The following ZNF91 variants were observed in gnomAD, a reference collection of about 807,000 sequenced individuals.
ZNF91 encodes the protein zinc finger protein 91.
A neutral mutation model predicts 12.6 loss-of-function variants in ZNF91; 7 were observed. The ratio of observed to expected loss-of-function variants is 0.55; its 90% CI spans 0.31 to 1.04. The LOEUF is 1.04. Among genes scored for constraint, ZNF91 ranks in the 50% least tolerant of loss-of-function variants. The pLI is 0.05. For synonymous variants in ZNF91, 453 were observed against 462.6 expected (o/e 0.98, Z 0.27); for missense variants, 1,217 against 1,385.4 (o/e 0.88, Z 1.93).
chr19:23,311,088 G>T (rs181583864), upstream of ZNF91, among the ~76,000 whole-genome samples: 617 of 152,300 alleles, frequency 4.1e-3, 8 homozygotes, highest in African/African-American at 0.014. Context: ...CAGGACCTGG[G>T]TCATAGAAAA....
chr19:23,361,630 G>A lies in ZNF91; in HGVS notation c.1349C>T (p.Thr450Ile), dbSNP rs1341718666. The change falls in exon 4 of 4, where the codon ACT (threonine) becomes ATT (isoleucine). Residue 450 changes from threonine (T) to isoleucine (I), a missense_variant. Physicochemically the swap from Thr to Ile is moderately conservative, Grantham distance 89. This residue lies in a region of ZNF91 where 726 missense variants were observed against 895.5 expected (regional missense o/e 0.81). Transcript: ENST00000300619. The part of the protein sequence containing the change: ...GKAFNWSSSL[T>I]KHKRFHTREK... ...TCTAGTATGAAATCTTTTATGTTTA[G>A]TAAGGCTTGAGGACCAGTTAAATGC... 1 of 1,613,202 alleles carries A rather than the reference G, an allele frequency of 6.2e-7. No homozygotes were observed. The highest frequency in any genetic ancestry group is 2.2e-5 in the East Asian group (1 of 44,774).
Position 23,339,152 on chromosome 19 carries a change from C to T in ZNF91, c.254-98G>A, listed in dbSNP as rs534909558. 2.0e-5 allele frequency: 3 copies of T among 150,842 alleles called. No homozygotes were observed. In the East Asian group the frequency reaches 5.8e-4, roughly 29 times the overall value. The allele number at this position is 150,842 out of a possible 1,614,324, so 9.3% of individuals were successfully genotyped here. ...AAAATCTCACCTTACTTGTAAGACA[C>T]ATATAGATTAAAGGCAAATGGGGGG... On this transcript the variant is annotated intron_variant, in intron 3 of 3. Coordinates refer to the ZNF91 transcript ENST00000599743.
chr19:23,360,923 A>G lies in ZNF91; in HGVS notation c.2056T>C (p.Tyr686His), dbSNP rs1968717680. ...HKITHTEEKP[Y>H]KCKECDKTFK... ...GTTTTGTCACATTCTTTACATTTGT[A>G]GGGTTTCTCTTCAGTATGAGTTATC... The change falls in exon 4 of 4, where the codon TAC becomes CAC. Residue 686 changes from tyrosine (Y) to histidine (H), a missense_variant. Tyr to His is a moderately conservative substitution (Grantham distance 83). Coordinates refer to ENST00000300619, the MANE Select transcript of ZNF91 (RefSeq NM_003430.4). 1 of 1,613,114 alleles carries G rather than the reference A, an allele frequency of 6.2e-7. No individual in the cohort carries two copies. The highest frequency in any genetic ancestry group is 1.7e-5 in the Admixed American group (1 of 59,952).
intron 1 of ZNF91, among the ~76,000 whole-genome samples, chr19:23,321,851 A>G (rs1967703368): frequency 6.6e-6 from 1 of 152,044 alleles, no homozygotes; most frequent in Admixed American, 6.5e-5. Flanking sequence ...CCACGTCCAT[A>G]GATGAAATAG....
At chr19:23,318,306 T>A (rs1325230844) in intron 1 of ZNF91, among the ~76,000 whole-genome samples, 1 of 152,154 alleles carries the variant, frequency 6.6e-6, no homozygotes, top group Non-Finnish European at 1.5e-5. Flanking sequence ...CATTGTGACA[T>A]CTCTGCATCC....
chr19:23,361,787 T>C lies in ZNF91; in HGVS notation c.1192A>G (p.Ile398Val), dbSNP rs769787662. 3.1e-6 allele frequency: 5 copies of C among 1,609,744 alleles called. No individual in the cohort carries two copies. The South Asian group carries it at 4.4e-5, about 14-fold the overall frequency. Residue 398 changes from isoleucine to valine, a missense_variant, in exon 4 of 4, where the codon ATA (isoleucine) becomes GTA (valine). Transcript: ENST00000300619. ...TAGAGTTTCTCTCCAGCATGTATTA[T>C]TTTATGTTTAGTAAGGGTTGAGAGT... ...KRLSTLTKHKIIHAGEKLYKC... is the reference protein window; with the variant it reads ...KRLSTLTKHKVIHAGEKLYKC...
rs150267511 is a variant in ZNF91 at position 23,344,410 on chromosome 19, A to C, written c.254-5356T>G. Among the ~76,000 whole-genome samples, 618 of 152,264 alleles carry C rather than the reference A, an allele frequency of 4.1e-3. 9 individuals carry two copies. The highest frequency in any genetic ancestry group is 0.014 in the African/African-American group (594 of 41,560). On this transcript the variant is annotated intron_variant, in intron 3 of 3. Transcript: ENST00000599743. ...CGCCCGGCAAAAAACATAAATTATA[A>C]TCTGAATCTAATCATGAAAAACATG... is the stretch of plus-strand genomic sequence containing the variant.
At chr19:23,323,075 TTTC>T (rs918364352) in intron 1 of ZNF91, among the ~76,000 whole-genome samples, 17 of 148,750 alleles carry the variant, frequency 1.1e-4, no homozygotes, top group Admixed American at 3.3e-4. Context: ...CTCCCGTTTT[TTTC>T]TTTTCTTCCT....
Position 23,360,991 on chromosome 19 carries a change from C to T in ZNF91, c.1988G>A (p.Cys663Tyr). 3 of 1,613,588 alleles carry T rather than the reference C, an allele frequency of 1.9e-6. No homozygotes were observed. Among genetic ancestry groups the T allele is most frequent in the Non-Finnish European group, 2.5e-6 (3 of 1,179,640 alleles). ...TGEKPYKCKE[C>Y]GKAFSNSSTL... is the part of the protein sequence containing the mutation. ...TGAGGAATTGCTAAAAGCTTTGCCA[C>T]ATTCTTTACATTTGTAGGGTTTCTC... The change falls in exon 4 of 4, where the codon TGT becomes TAT. Residue 663 changes from cysteine to tyrosine, a missense_variant. Physicochemically the swap from Cys to Tyr is radical, Grantham distance 194. This residue lies in a region of ZNF91 where 726 missense variants were observed against 895.5 expected (regional missense o/e 0.81). Coordinates refer to ENST00000300619, the MANE Select transcript of ZNF91 (RefSeq NM_003430.4).
intron 1 of ZNF91, among the ~76,000 whole-genome samples, chr19:23,379,744 G>A (rs1599749445): frequency 6.6e-6 from 1 of 151,204 alleles, no homozygotes; most frequent in Admixed American, 6.5e-5. Context: ...GTTGAATAGG[G>A]TGCTATCTTT....
chr19:23,374,876 T>C (rs1788346471), intron 1 of ZNF91, 112 bp from the exon 2 acceptor site: 1 of 1,493,992 alleles, frequency 6.7e-7, no homozygotes, highest in Admixed American at 2.2e-5. Context: ...CTTATAAGAG[T>C]GGCTGAAATT....
chr19:23,388,275 A>G (rs1386459845), intron 1 of ZNF91, among the ~76,000 whole-genome samples: 1 of 152,076 alleles, frequency 6.6e-6, no homozygotes, highest in Non-Finnish European at 1.5e-5. Context: ...TAATAAAAAA[A>G]TATGATACAT....
intron 1 of ZNF91, chr19:23,323,921 CTCCTCCTCCTTCTCTTCTCCTT>C (rs1332667103): frequency 2.1e-5 from 3 of 145,928 alleles, no homozygotes; most frequent in Non-Finnish European, 3.0e-5. Flanking sequence ...CCTTTCTTTT[CTCCTCCTCCTTCTCTTCTCCTT>C]TCCTCCTCCT....
At chr19:23,357,649 A>G (rs1568379452), downstream of ZNF91, 1 of 152,150 alleles carries the variant, frequency 6.6e-6, no homozygotes, top group Non-Finnish European at 1.5e-5. Flanking sequence ...TGTTCGAAGA[A>G]AAATATATGA....
At chr19:23,318,086 C>T (rs1264240494) in intron 1 of ZNF91, among the ~76,000 whole-genome samples, 1 of 152,210 alleles carries the variant, frequency 6.6e-6, no homozygotes, top group Non-Finnish European at 1.5e-5. Context: ...CGCCCACAGA[C>T]AGCACTGTGA....
At chr19:23,381,787 G>A (rs976155354) in intron 1 of ZNF91, among the ~76,000 whole-genome samples, 1 of 151,948 alleles carries the variant, frequency 6.6e-6, no homozygotes, top group Non-Finnish European at 1.5e-5. Flanking sequence ...TTCTTTTGTA[G>A]TATAAATACT....
downstream of ZNF91, among the ~76,000 whole-genome samples, chr19:23,356,222 T>C (rs1363736975): frequency 6.6e-6 from 1 of 152,172 alleles, no homozygotes; most frequent in Non-Finnish European, 1.5e-5. Context: ...TGCAGATGCA[T>C]GTTTCTAGCA....
intron 1 of ZNF91, among the ~76,000 whole-genome samples, chr19:23,331,092 T>C (rs1406681124): frequency 6.6e-6 from 1 of 152,172 alleles, no homozygotes; most frequent in Admixed American, 6.5e-5. Flanking sequence ...TGATGTAAGT[T>C]TTCCTAAATA....
intron 3 of ZNF91, among the ~76,000 whole-genome samples, chr19:23,341,722 A>G (rs1009920249): frequency 8.5e-5 from 13 of 152,198 alleles, no homozygotes; most frequent in African/African-American, 2.7e-4. Flanking sequence ...TTAAAAAAAA[A>G]TAGAGAAGTA....
Sources: gnomAD v4.1 joint callset for allele counts (sites outside exome capture counted in the v4.1 genomes callset) on GRCh38, gnomAD v4.1.1 for gene constraint, gnomAD v4.1.1 regional missense constraint, MANE v1.5 for transcripts, NCBI Gene and HGNC (gene_info 2026-07-23, HGNC 2026-07-21) for gene names.